Variants in SUMF1 observed in about 807,000 individuals in gnomAD.
The protein encoded by SUMF1 is sulfatase modifying factor 1.
In SUMF1, 48 loss-of-function variants were observed where a neutral mutation model predicts 47.6. That is an observed-to-expected ratio of 1.01 (90% CI 0.80 to 1.28). The LOEUF (loss-of-function observed/expected upper bound fraction) is 1.28, where lower values mean the gene tolerates loss of function less well. Ranked by LOEUF, SUMF1 falls within the 50% of genes most tolerant of loss-of-function variation. The pLI, the probability that SUMF1 is intolerant of heterozygous loss-of-function variation, is 0.00. For synonymous variants in SUMF1, 230 were observed against 192.1 expected, an observed-to-expected ratio of 1.20 and a Z score of -1.63; for missense variants, 571 against 485.4, an observed-to-expected ratio of 1.18 and a Z score of -1.66.
intron 8 of SUMF1, among the ~76,000 whole-genome samples, chr3:4,288,770 C>T (rs1697684643): frequency 6.6e-6 from 1 of 151,174 alleles, no homozygotes; most frequent in African/African-American, 2.4e-5. Context: ...GTCATTTGCA[C>T]TCCAGCCTGA....
chr3:4,077,436 GA>G (rs1394377097), intron 8 of SUMF1, among the ~76,000 whole-genome samples: 13 of 152,100 alleles, frequency 8.5e-5, no homozygotes, highest in Non-Finnish European at 1.9e-4. Flanking sequence ...ACTGGATAAA[GA>G]AAATGTGGCA....
intron 8 of SUMF1, among the ~76,000 whole-genome samples, chr3:4,138,051 C>T (rs1693985490): frequency 6.6e-6 from 1 of 151,884 alleles, no homozygotes; most frequent in South Asian, 2.1e-4. Flanking sequence ...TAAGAAAACT[C>T]CCCATTTATA....
intron 9 of SUMF1, among the ~76,000 whole-genome samples, chr3:4,048,831 A>AGG (rs963083015): frequency 7.2e-5 from 11 of 152,272 alleles, no homozygotes; most frequent in Non-Finnish European, 1.0e-4. Flanking sequence ...TCTCTGAGGC[A>AGG]GGTTACCAAC....
intron 7 of SUMF1, among the ~76,000 whole-genome samples, chr3:4,408,700 G>T (rs1245274298): frequency 2.0e-5 from 3 of 152,170 alleles, no homozygotes; most frequent in Non-Finnish European, 4.4e-5. Context: ...ACCTGGCGTG[G>T]TGGCTCACAC....
chr3:4,321,670 C>G (rs1035182008), intron 8 of SUMF1, among the ~76,000 whole-genome samples: 2 of 151,862 alleles, frequency 1.3e-5, no homozygotes, highest in African/African-American at 4.8e-5. Context: ...ATGATTGAAT[C>G]AATAAATAAA....
At chr3:4,069,494 T>C (rs537807200) in intron 8 of SUMF1, among the ~76,000 whole-genome samples, 6 of 152,300 alleles carry the variant, frequency 3.9e-5, no homozygotes, top group Non-Finnish European at 7.4e-5. Flanking sequence ...GCAGAGGAGA[T>C]ACAGGTAACA....
intron 7 of SUMF1, among the ~76,000 whole-genome samples, chr3:4,386,930 C>G (rs1447825789): frequency 1.3e-5 from 2 of 151,384 alleles, no homozygotes; most frequent in African/African-American, 4.8e-5. Context: ...AATATTTAAC[C>G]AGACTGCACT....
In SUMF1 at chr3:4,041,735, CAT is replaced by C. The variant is rs374711242; in HGVS notation, c.1191+26832_1191+26833del. Among the ~76,000 whole-genome samples, 93 of 152,320 alleles carry C rather than the reference CAT, an allele frequency of 6.1e-4. 1 individual carries two copies. In the East Asian group the frequency reaches 0.016, roughly 26 times the overall value. On this transcript the variant is annotated intron_variant and NMD_transcript_variant, in intron 9 of 12. Transcript: ENST00000448413. ...ACATCTTGTAAGGCACAGGCATACA[CAT>C]GAGGTAACTCCAATTTGTTGCTGTG...
At chr3:4,103,113 G>A (rs1265916134) in intron 8 of SUMF1, among the ~76,000 whole-genome samples, 1 of 151,630 alleles carries the variant, frequency 6.6e-6, no homozygotes. Flanking sequence ...ACTAGAGATG[G>A]GGTTTCCCTA....
At chr3:4,252,925 A>G (rs1696839756) in intron 8 of SUMF1, among the ~76,000 whole-genome samples, 1 of 152,224 alleles carries the variant, frequency 6.6e-6, no homozygotes, top group South Asian at 2.1e-4. Context: ...CTAAAATATT[A>G]AGTTCTCCAC....
At chr3:4,209,308 T>C (rs1018367890) in intron 8 of SUMF1, among the ~76,000 whole-genome samples, 9 of 152,180 alleles carry the variant, frequency 5.9e-5, no homozygotes, top group African/African-American at 1.9e-4. Flanking sequence ...AAGGTACTGT[T>C]TAATTATGTG....
chr3:4,100,460 T>C (rs923141715), intron 8 of SUMF1, among the ~76,000 whole-genome samples: 1 of 151,930 alleles, frequency 6.6e-6, no homozygotes, highest in African/African-American at 2.4e-5. Flanking sequence ...CGTCAATAAA[T>C]TGTGCTTGAA....
downstream of SUMF1, among the ~76,000 whole-genome samples, chr3:4,358,923 G>A (rs372748727): frequency 3.9e-5 from 6 of 152,222 alleles, no homozygotes; most frequent in East Asian, 7.7e-4. Context: ...TGTAATGCTG[G>A]CTGCAAATGC....
At chr3:4,355,088 G>C (rs911670573) in intron 8 of SUMF1, among the ~76,000 whole-genome samples, 1 of 152,276 alleles carries the variant, frequency 6.6e-6, no homozygotes, top group Non-Finnish European at 1.5e-5. Flanking sequence ...AGTGGCTCAC[G>C]CCTGTAATCC....
chr3:4,279,225 T>A (rs574377002), intron 8 of SUMF1, among the ~76,000 whole-genome samples: 1 of 152,154 alleles, frequency 6.6e-6, no homozygotes, highest in Non-Finnish European at 1.5e-5. Flanking sequence ...ATGAAAGTCA[T>A]GGTAACCTAA....
chr3:4,113,794 G>A (rs567095283), intron 8 of SUMF1, among the ~76,000 whole-genome samples: 1 of 152,210 alleles, frequency 6.6e-6, no homozygotes, highest in Admixed American at 6.5e-5. Flanking sequence ...AGGTCATCAT[G>A]ACCTTAATGT....
At chr3:4,284,622 G>A (rs1697596107) in intron 8 of SUMF1, among the ~76,000 whole-genome samples, 1 of 151,924 alleles carries the variant, frequency 6.6e-6, no homozygotes. Context: ...TTACTCCAGT[G>A]TGATATTTTC....
chr3:4,376,391 T>C lies in SUMF1; in HGVS notation c.955-2A>G, dbSNP rs1349733778. 6.2e-7 allele frequency: 1 copy of C among 1,614,152 alleles called. No homozygotes were observed. Among genetic ancestry groups the C allele is most frequent in the Admixed American group, 1.7e-5 (1 of 60,026 alleles). On this transcript the variant is annotated splice_acceptor_variant, in intron 7 of 8. Coordinates refer to ENST00000272902, the MANE Select transcript of SUMF1 (RefSeq NM_182760.4). LOFTEE classifies it high-confidence loss of function. ...GTCTTTCCCAGAAGGGGGACCTTTC[T>C]ACAGATGAAGAAAAAAGGCTATGTT... is the stretch of plus-strand genomic sequence containing the variant.
At chr3:4,316,109 G>A (rs1698632114) in intron 8 of SUMF1, 2 of 530,984 alleles carry the variant, frequency 3.8e-6, no homozygotes, top group Admixed American at 3.2e-5. Context: ...ATTTGATATT[G>A]GAATACATTC....
Sources: gnomAD v4.1 joint callset for allele counts (sites outside exome capture counted in the v4.1 genomes callset) on GRCh38, gnomAD v4.1.1 for gene constraint, MANE v1.5 for transcripts, NCBI Gene and HGNC (gene_info 2026-07-23, HGNC 2026-07-21) for gene names.